THSD7B: variants seen among roughly 807,000 people sequenced by gnomAD.
The protein encoded by THSD7B is thrombospondin type-1 domain-containing protein 7B.
Under a neutral mutation model 213.6 loss-of-function variants are expected in THSD7B, and 138 were observed. The ratio of observed to expected loss-of-function variants is 0.65; its 90% CI spans 0.56 to 0.74. The LOEUF is 0.74. Among genes scored for constraint, THSD7B ranks in the 30% least tolerant of loss-of-function variants. The pLI is 0.00. For missense variants in THSD7B, 1,931 were observed against 1,991.5 expected, an observed-to-expected ratio of 0.97 and a Z score of 0.58; for synonymous variants, 742 against 687.0, an observed-to-expected ratio of 1.08 and a Z score of -1.25.
At chr2:137,401,784 C>G (rs1260217973) in intron 12 of THSD7B, among the ~76,000 whole-genome samples, 3 of 151,850 alleles carry the variant, frequency 2.0e-5, no homozygotes, top group Non-Finnish European at 4.4e-5. Flanking sequence ...TTTAGAAAAC[C>G]CAAATGCCTC....
At chr2:136,966,406 A>G (rs1685314609) in intron 2 of THSD7B, among the ~76,000 whole-genome samples, 1 of 152,098 alleles carries the variant, frequency 6.6e-6, no homozygotes, top group Admixed American at 6.6e-5. Flanking sequence ...TTGTAGAGAC[A>G]GGGTTTTACC....
At chr2:137,576,988 C>T (rs1021413372) in intron 17 of THSD7B, among the ~76,000 whole-genome samples, 4 of 152,098 alleles carry the variant, frequency 2.6e-5, no homozygotes, top group African/African-American at 9.7e-5. Context: ...CCTCACCTAA[C>T]AGTCTTTATC....
chr2:137,133,507 A>T (rs1021226287), intron 5 of THSD7B, among the ~76,000 whole-genome samples: 6 of 151,176 alleles, frequency 4.0e-5, no homozygotes, highest in Non-Finnish European at 7.4e-5. Context: ...TTTTTTTTTT[A>T]AATGCTGGTT....
At chr2:137,113,451 T>G (rs1026145140) in intron 4 of THSD7B, among the ~76,000 whole-genome samples, 3 of 152,180 alleles carry the variant, frequency 2.0e-5, no homozygotes, top group African/African-American at 7.2e-5. Flanking sequence ...TTGTTTGTTT[T>G]TTCTTTCGGA....
At chr2:137,200,807 G>A (rs528740049) in intron 7 of THSD7B, among the ~76,000 whole-genome samples, 5 of 150,134 alleles carry the variant, frequency 3.3e-5, no homozygotes, top group Admixed American at 1.3e-4. Context: ...AGTAGCTGGG[G>A]CTACAGGCAC....
At chr2:137,192,243 A>G (rs1371695757) in intron 7 of THSD7B, among the ~76,000 whole-genome samples, 4 of 152,188 alleles carry the variant, frequency 2.6e-5, no homozygotes, top group Admixed American at 1.3e-4. Context: ...ATTCAACACA[A>G]CAACACATAT....
chr2:136,929,887 C>T (rs950333235), intron 2 of THSD7B, among the ~76,000 whole-genome samples: 35 of 152,092 alleles, frequency 2.3e-4, no homozygotes, highest in African/African-American at 8.2e-4. Context: ...TGGACATAAA[C>T]GTTGAATTAG....
intron 10 of THSD7B, among the ~76,000 whole-genome samples, chr2:137,259,861 T>C (rs1682400323): frequency 6.6e-6 from 1 of 152,174 alleles, no homozygotes; most frequent in Non-Finnish European, 1.5e-5. Flanking sequence ...ATTCTTCTTC[T>C]AGAACTCAGA....
At chr2:137,020,347 G>C (rs911511009) in intron 2 of THSD7B, among the ~76,000 whole-genome samples, 1 of 152,142 alleles carries the variant, frequency 6.6e-6, no homozygotes, top group Non-Finnish European at 1.5e-5. Context: ...ATGGTCAAGG[G>C]CCCTGAATGC....
At chr2:137,161,339 A>C (rs76283029) in intron 6 of THSD7B, among the ~76,000 whole-genome samples, 137 of 152,358 alleles carry the variant, frequency 9.0e-4, no homozygotes, top group Non-Finnish European at 1.8e-3. Flanking sequence ...AATGAGATCC[A>C]AGGACATTCC....
At chr2:136,901,104 AAAAC>A (rs1006541871) in intron 2 of THSD7B, among the ~76,000 whole-genome samples, 8 of 152,222 alleles carry the variant, frequency 5.3e-5, no homozygotes, top group African/African-American at 7.2e-5. Context: ...TTTTAATAGA[AAAAC>A]AAAGTTTTGA....
chr2:137,156,692 G>A lies in THSD7B; in HGVS notation c.1370-3521G>A, dbSNP rs569939087. On this transcript the variant is annotated intron_variant, in intron 5 of 27. Transcript: ENST00000409968. ...TGGAGACACAGTGTCCTTGACAAACGCAGCTTCAGAACGTATTTCCCAGGC... is the reference window on the plus strand; with the variant it reads ...TGGAGACACAGTGTCCTTGACAAACACAGCTTCAGAACGTATTTCCCAGGC... Among the ~76,000 whole-genome samples the A allele has an allele frequency of 7.2e-4, 109 of 152,242 alleles. 1 individual carries two copies. Among genetic ancestry groups the A allele is most frequent in the Non-Finnish European group, 1.2e-3 (80 of 68,026 alleles).
In THSD7B at chr2:137,232,880, T is replaced by C; in HGVS notation, c.1916-19T>C. On this transcript the variant is annotated intron_variant, in intron 8 of 27. Coordinates refer to ENST00000409968, the MANE Select transcript of THSD7B (RefSeq NM_001316349.2). ...AACAGCAACCACTATGTATTACCTT[T>C]TGTTCTTATTTTTGGCAGGTGGAAA... 1.2e-6 allele frequency: 2 copies of C among 1,609,942 alleles called. No homozygotes were observed. The highest frequency in any genetic ancestry group is 1.7e-6 in the Non-Finnish European group (2 of 1,176,452).
chr2:137,213,719 G>T (rs1000859620), intron 7 of THSD7B, among the ~76,000 whole-genome samples: 1 of 151,904 alleles, frequency 6.6e-6, no homozygotes, highest in Non-Finnish European at 1.5e-5. Flanking sequence ...TTCAAATCTT[G>T]CTCATGGTGC....
intron 7 of THSD7B, among the ~76,000 whole-genome samples, chr2:137,193,925 G>A (rs1452403117): frequency 6.6e-6 from 1 of 150,788 alleles, no homozygotes; most frequent in African/African-American, 2.4e-5. Flanking sequence ...TTAACTATTT[G>A]ACATTAGAGG....
intron 2 of THSD7B, among the ~76,000 whole-genome samples, chr2:137,000,069 G>T (rs72617055): frequency 0.12 from 17,885 of 152,124 alleles, 1,560 homozygotes; most frequent in East Asian, 0.42. Context: ...GAAGAGACTG[G>T]CTATCGGTTT....
chr2:136,887,064 A>G (rs890749211), intron 2 of THSD7B, among the ~76,000 whole-genome samples: 12 of 152,198 alleles, frequency 7.9e-5, no homozygotes, highest in African/African-American at 2.7e-4. Context: ...AAACGATGTT[A>G]AAGAAAATTG....
chr2:137,646,650 T>TTAATAATAA (rs147054450), intron 21 of THSD7B, among the ~76,000 whole-genome samples: 11,463 of 130,094 alleles, frequency 0.088, 591 homozygotes, highest in African/African-American at 0.12. Context: ...ACACTCCATC[T>TTAATAATAA]TAATAATAAT....
chr2:137,138,738 A>G (rs890655212), intron 5 of THSD7B, among the ~76,000 whole-genome samples: 6 of 152,210 alleles, frequency 3.9e-5, no homozygotes, highest in African/African-American at 1.4e-4. Context: ...GAGCATAGCT[A>G]TGACATTTAA....
Sources: allele counts gnomAD v4.1 joint callset (sites outside exome capture counted in the v4.1 genomes callset), GRCh38; gene constraint gnomAD v4.1.1; transcripts MANE v1.5; gene names NCBI Gene and HGNC (gene_info 2026-07-23, HGNC 2026-07-21).